Variants in ABCG8 observed in about 807,000 individuals in gnomAD.
ABCG8 encodes the protein ATP binding cassette subfamily G member 8.
A neutral mutation model predicts 71.3 loss-of-function variants in ABCG8; 81 were observed. That is an observed-to-expected ratio of 1.14 (90% CI 0.95 to 1.37). ABCG8 has a LOEUF of 1.37. ABCG8 is among the 40% of genes most tolerant of loss of function. The pLI is 0.00. For missense variants in ABCG8, 1,119 were observed against 866.2 expected (o/e 1.29, Z -3.66); for synonymous variants, 451 against 354.7 (o/e 1.27, Z -3.05).
chr2:43,877,728 C>G, intron 12 of ABCG8, 40 bp downstream of exon 12: 1 of 1,614,086 alleles, frequency 6.2e-7, no homozygotes, highest in Non-Finnish European at 8.5e-7. Flanking sequence ...TATTGGACGT[C>G]CGGCTTTCCA....
intron 1 of ABCG8, among the ~76,000 whole-genome samples, 178 bp downstream of exon 1, chr2:43,839,294 C>G (rs988911197): frequency 6.6e-6 from 1 of 151,898 alleles, no homozygotes; most frequent in African/African-American, 2.4e-5. Context: ...GATTCAGGGT[C>G]CCAGAGGCCT....
intron 11 of ABCG8, among the ~76,000 whole-genome samples, chr2:43,877,076 A>T (rs1669983234): frequency 7.4e-6 from 1 of 134,556 alleles, no homozygotes; most frequent in Non-Finnish European, 1.6e-5. Context: ...ATATGGGGAG[A>T]CTGGGAATAT....
In ABCG8 at chr2:43,853,429, G is replaced by A. The variant is rs548245769; in HGVS notation, c.964+561G>A. Among the ~76,000 whole-genome samples the A allele has an allele frequency of 3.3e-3, 508 of 152,306 alleles. 3 individuals are homozygous for A. The highest frequency in any genetic ancestry group is 0.014 in the Middle Eastern group (4 of 294). ...GAGCCGCTTCCTTCATTCTGCAGGG[G>A]ACAGTTGCCTTCCCAGGTACCTGGC... On this transcript the variant is annotated intron_variant, in intron 6 of 12. Transcript: ENST00000272286.
At chr2:43,866,257 G>A (rs2104938192) in intron 6 of ABCG8, among the ~76,000 whole-genome samples, 1 of 151,318 alleles carries the variant, frequency 6.6e-6, no homozygotes, top group African/African-American at 2.4e-5. Context: ...AGAAAACCTA[G>A]GCATTACCAT....
chr2:43,876,682 A>G, intron 11 of ABCG8, among the ~76,000 whole-genome samples: 1 of 149,888 alleles, frequency 6.7e-6, no homozygotes, highest in East Asian at 2.0e-4. Context: ...AAGTGTGAAT[A>G]TGGGGGAGAC....
Position 43,844,483 on chromosome 2 carries a change from C to T in ABCG8, c.64-24C>T, listed in dbSNP as rs775982784. On this transcript the variant is annotated intron_variant, in intron 1 of 12. Coordinates refer to ENST00000272286, the MANE Select transcript of ABCG8 (RefSeq NM_022437.3). ...GTTCTCAGCAGCTTCTAAAGGAGCC[C>T]CTCATCTCTCCTGTCTCCCACAGGG... is the stretch of plus-strand genomic sequence containing the variant. 7 of 1,581,040 alleles carry T rather than the reference C, an allele frequency of 4.4e-6. No individual in the cohort carries two copies. In the Admixed American group the frequency reaches 5.0e-5, roughly 11 times the overall value.
chr2:43,858,876 C>G (rs1324949203), intron 6 of ABCG8, among the ~76,000 whole-genome samples: 4 of 150,406 alleles, frequency 2.7e-5, no homozygotes, highest in Non-Finnish European at 6.0e-5. Context: ...CAATATCTAT[C>G]TAGATAGAAC....
At chr2:43,843,034 G>A (rs763972190) in intron 1 of ABCG8, among the ~76,000 whole-genome samples, 12 of 152,160 alleles carry the variant, frequency 7.9e-5, no homozygotes, top group South Asian at 2.1e-4. Context: ...TTATTTTCAC[G>A]TAAGGCATAA....
At chr2:43,845,628 A>T (rs1668719762) in intron 2 of ABCG8, among the ~76,000 whole-genome samples, 1 of 150,836 alleles carries the variant, frequency 6.6e-6, no homozygotes. Flanking sequence ...TTTTTTCCTT[A>T]CTTTTTTTTT....
Position 43,875,297 on chromosome 2 carries a change from T to C in ABCG8, c.1640T>C (p.Leu547Pro). The C allele has an allele frequency of 6.2e-7, 1 of 1,614,206 alleles. No individual in the cohort carries two copies. Reference sequence around the variant, plus strand: ...GTCTTCTGTTGCAGGATTATGGCCCTGGCCGCCGCGGCCCTGCTCCCCACC... The same window carrying C: ...GTCTTCTGTTGCAGGATTATGGCCCCGGCCGCCGCGGCCCTGCTCCCCACC... ...LVVFCCRIMA[L>P]AAAALLPTFH... Residue 547 changes from leucine to proline, a missense_variant, in exon 11 of 13, where the codon CTG becomes CCG. Leu to Pro is a moderately conservative substitution (Grantham distance 98). Coordinates refer to ENST00000272286, the MANE Select transcript of ABCG8 (RefSeq NM_022437.3).
chr2:43,879,893 T>A lies in ABCG8; in HGVS notation c.*1980T>A, dbSNP rs929513637. On this transcript the variant is annotated 3_prime_UTR_variant, in exon 13 of 13. Coordinates refer to ENST00000272286, the MANE Select transcript of ABCG8 (RefSeq NM_022437.3). ...GGCTTCTCCACAGCCAAGTTACTAT[T>A]TTCCCTCCCTTTATAATTAATAAGC... 6.6e-6 allele frequency: 1 copy of A among 152,178 alleles called. No individual in the cohort carries two copies. Among genetic ancestry groups the A allele is most frequent in the African/African-American group, 2.4e-5 (1 of 41,440 alleles). The allele number at this position is 152,178 out of a possible 1,614,324, so 9.4% of individuals were successfully genotyped here. A position where few individuals can be genotyped will look rare whatever the true frequency, so the allele number is the denominator to read the frequency against.
Position 43,851,109 on chromosome 2 carries a change from C to T in ABCG8, c.323-475C>T, listed in dbSNP as rs144384035. The stretch of plus-strand genomic sequence containing the variant: ...TTTAAAAGACGCTCTATAAATGCTC[C>T]AAATTAGTCCTCACAAAGCCAGCTT... On this transcript the variant is annotated intron_variant, in intron 3 of 12. Coordinates refer to ENST00000272286, the MANE Select transcript of ABCG8 (RefSeq NM_022437.3). 3.1e-4 allele frequency among the ~76,000 whole-genome samples: 47 copies of T among 152,218 alleles called. No individual in the cohort carries two copies. In the Middle Eastern group the frequency reaches 0.01, roughly 33 times the overall value.
At chr2:43,862,391 G>A (rs1339576378) in intron 6 of ABCG8, among the ~76,000 whole-genome samples, 1 of 151,148 alleles carries the variant, frequency 6.6e-6, no homozygotes, top group South Asian at 2.1e-4. Context: ...TCTCTGGATA[G>A]AACTCTCACT....
At chr2:43,860,812 CACTATCTGTCTG>C in intron 6 of ABCG8, among the ~76,000 whole-genome samples, 7 of 136,560 alleles carry the variant, frequency 5.1e-5, no homozygotes, top group Non-Finnish European at 9.7e-5. Context: ...ATAGAACTGT[CACTATCTGTCTG>C]TATAGAATTC....
chr2:43,852,955 A>G, intron 6 of ABCG8, 87 bp downstream of exon 6: 1 of 1,536,324 alleles, frequency 6.5e-7, no homozygotes, highest in Non-Finnish European at 8.9e-7. Context: ...GGAAAGATTC[A>G]GGGGAGAAAC....
Position 43,874,482 on chromosome 2 carries a change from A to T in ABCG8, c.1487A>T (p.Lys496Met), listed in dbSNP as rs201451679. 2.1e-5 allele frequency: 34 copies of T among 1,610,916 alleles called. No individual in the cohort carries two copies. Among genetic ancestry groups the T allele is most frequent in the Non-Finnish European group, 2.8e-5 (33 of 1,178,914 alleles). The change falls in exon 10 of 13, where the codon AAG (lysine) becomes ATG (methionine). Residue 496 changes from lysine (K) to methionine (M), a missense_variant and splice_region_variant. Coordinates refer to ENST00000272286, the MANE Select transcript of ABCG8 (RefSeq NM_022437.3). ...ACCACTGGTCCATATTTCTTTGCCA[A>T]GGTGACTGGGCAGGGTTGAGAGCAA... ...LYTTGPYFFA[K>M]ILGELPEHCA...
At chr2:43,875,847 C>T (rs1407799549) in intron 11 of ABCG8, among the ~76,000 whole-genome samples, 1 of 152,168 alleles carries the variant, frequency 6.6e-6, no homozygotes, top group Non-Finnish European at 1.5e-5. Flanking sequence ...GGTGCAAACC[C>T]ATGCCCCCCT....
At position 43,846,226 on chromosome 2, in the gene ABCG8, C is replaced by T; in HGVS notation, c.237C>T (p.Ser79=). The change falls in exon 3 of 13, where the codon AGC becomes AGT. Residue 79 remains serine, a synonymous_variant. Transcript: ENST00000272286. ...TCAAGATGCCCTGGACATCTCCCAG[C>T]TGCCAGAATTCTTGTGAGCTGGGCA... ...AQFKMPWTSP[S]CQNSCELGIQ... is the part of the protein sequence containing the mutation. 1.9e-6 allele frequency: 3 copies of T among 1,614,188 alleles called. No individual in the cohort carries two copies. Among genetic ancestry groups the T allele is most frequent in the Non-Finnish European group, 2.5e-6 (3 of 1,180,028 alleles).
rs1326145611 is a variant in ABCG8, at chr2:43,882,388, A to G, written c.*4475A>G. 2 of 152,234 alleles carry G rather than the reference A, an allele frequency of 1.3e-5. No individual in the cohort carries two copies. Among genetic ancestry groups the G allele is most frequent in the Non-Finnish European group, 2.9e-5 (2 of 68,050 alleles). 9.4% of individuals were successfully genotyped at this position (152,234 alleles called of 1,614,324 possible). A position where few individuals can be genotyped will look rare whatever the true frequency, so the allele number is the denominator to read the frequency against. Reference sequence around the variant, plus strand: ...AGTGGCTTAGCACAGCATACAGACCACTTTCCTTTGGCCCAACCGGCCTTG... The same window carrying G: ...AGTGGCTTAGCACAGCATACAGACCGCTTTCCTTTGGCCCAACCGGCCTTG... On this transcript the variant is annotated 3_prime_UTR_variant, in exon 13 of 13. Coordinates refer to ENST00000272286, the MANE Select transcript of ABCG8 (RefSeq NM_022437.3).
Sources: gnomAD v4.1 joint callset for allele counts (sites outside exome capture counted in the v4.1 genomes callset) on GRCh38, gnomAD v4.1.1 for gene constraint, MANE v1.5 for transcripts, NCBI Gene and HGNC (gene_info 2026-07-23, HGNC 2026-07-21) for gene names.